Variants in GRXCR1 observed in about 807,000 individuals in gnomAD.
GRXCR1 encodes glutaredoxin domain-containing cysteine-rich protein 1.
Under a neutral mutation model 27.3 loss-of-function variants are expected in GRXCR1, and 27 were observed. The observed-to-expected ratio is 0.99, with a 90% confidence interval of 0.73 to 1.37. The LOEUF (loss-of-function observed/expected upper bound fraction) is 1.37, where lower values mean the gene tolerates loss of function less well. Among genes scored for constraint, GRXCR1 ranks in the 40% most tolerant of loss-of-function variants. GRXCR1 has a pLI of 0.00. For synonymous variants in GRXCR1, 122 were observed against 131.1 expected (o/e 0.93, Z 0.47); for missense variants, 379 against 354.4 (o/e 1.07, Z -0.56).
At chr4:43,015,234 T>A (rs1412871907) in intron 2 of GRXCR1, among the ~76,000 whole-genome samples, 1 of 152,124 alleles carries the variant, frequency 6.6e-6, no homozygotes, top group African/African-American at 2.4e-5. Context: ...AAGACACTTG[T>A]AGGCCATGCT....
chr4:42,980,442 A>G (rs1748632161), intron 2 of GRXCR1, among the ~76,000 whole-genome samples: 2 of 151,256 alleles, frequency 1.3e-5, no homozygotes, highest in Non-Finnish European at 3.0e-5. Context: ...TGTTTTTGTA[A>G]ATTTTTTGAA....
Position 42,919,878 on chromosome 4 carries a change from C to T in GRXCR1, c.384+26228C>T, listed in dbSNP as rs150174871. ...ATTGATTTGGAAATCTGTCAGTTGA[C>T]TTCATCTCTCAGAGGTCTGATGCAT... On this transcript the variant is annotated intron_variant, in intron 1 of 3. Coordinates refer to ENST00000399770, the MANE Select transcript of GRXCR1 (RefSeq NM_001080476.3). 4.4e-3 allele frequency among the ~76,000 whole-genome samples: 676 copies of T among 152,162 alleles called. 7 individuals carry two copies. The highest frequency in any genetic ancestry group is 5.6e-3 in the Non-Finnish European group (378 of 68,004).
chr4:42,953,791 A>G (rs1336772477), intron 1 of GRXCR1, among the ~76,000 whole-genome samples: 4 of 152,106 alleles, frequency 2.6e-5, no homozygotes, highest in African/African-American at 9.7e-5. Flanking sequence ...ATATGTGTCA[A>G]TAACATTTTA....
At chr4:42,936,727 C>T (rs768873608) in intron 1 of GRXCR1, among the ~76,000 whole-genome samples, 46 of 151,698 alleles carry the variant, frequency 3.0e-4, no homozygotes, top group Non-Finnish European at 5.9e-4. Flanking sequence ...TCTTGATAGT[C>T]GTGGAGAGTG....
chr4:42,902,029 A>G (rs2109738716), intron 1 of GRXCR1, among the ~76,000 whole-genome samples: 1 of 152,300 alleles, frequency 6.6e-6, no homozygotes, highest in Non-Finnish European at 1.5e-5. Context: ...TACATTCAAT[A>G]TAATTTAATT....
In GRXCR1 at chr4:42,949,255, C is replaced by A. The variant is rs997222924; in HGVS notation, c.385-13637C>A. 2.0e-5 allele frequency among the ~76,000 whole-genome samples: 3 copies of A among 149,104 alleles called. No individual in the cohort carries two copies. In the Admixed American group the frequency reaches 2.0e-4, roughly 10 times the overall value. ...TGGCCCGTGCCTATAATCCCAGCTA[C>A]CTGGGAGGCTGAGTCAGGAGAATCG... On this transcript the variant is annotated intron_variant, in intron 1 of 3. Coordinates refer to ENST00000399770, the MANE Select transcript of GRXCR1 (RefSeq NM_001080476.3).
At chr4:42,925,466 A>T (rs1357515564) in intron 1 of GRXCR1, among the ~76,000 whole-genome samples, 1 of 152,048 alleles carries the variant, frequency 6.6e-6, no homozygotes, top group Non-Finnish European at 1.5e-5. Flanking sequence ...TTAAGAATAA[A>T]TTGCAGCAGC....
intron 1 of GRXCR1, 59 bp from the exon 2 acceptor site, chr4:42,962,833 A>G: frequency 6.2e-7 from 1 of 1,603,226 alleles, no homozygotes; most frequent in East Asian, 2.2e-5. Flanking sequence ...TTGTCTTAAA[A>G]TCATAAGACA....
chr4:42,973,540 A>G (rs953166324), intron 2 of GRXCR1, among the ~76,000 whole-genome samples: 11 of 150,664 alleles, frequency 7.3e-5, no homozygotes, highest in Admixed American at 5.9e-4. Flanking sequence ...TTATTCCAAT[A>G]CTCTGCTTTT....
chr4:42,933,296 G>C (rs1189896595), intron 1 of GRXCR1, among the ~76,000 whole-genome samples: 1 of 151,876 alleles, frequency 6.6e-6, no homozygotes, highest in East Asian at 2.0e-4. Context: ...GGACTCATGA[G>C]TCAGAGCCAT....
intron 1 of GRXCR1, among the ~76,000 whole-genome samples, chr4:42,926,779 A>G (rs970288858): frequency 6.6e-6 from 1 of 152,010 alleles, no homozygotes; most frequent in African/African-American, 2.4e-5. Flanking sequence ...ATTGTGGTTG[A>G]AGATGTTTTT....
chr4:43,020,112 C>T (rs755793304), intron 2 of GRXCR1, among the ~76,000 whole-genome samples: 1 of 152,020 alleles, frequency 6.6e-6, no homozygotes, highest in Non-Finnish European at 1.5e-5. Context: ...TTGTGGGTTT[C>T]CTGGAGCTTG....
chr4:43,027,697 G>T (rs1413554693), intron 3 of GRXCR1, among the ~76,000 whole-genome samples: 1 of 152,204 alleles, frequency 6.6e-6, no homozygotes, highest in African/African-American at 2.4e-5. Context: ...GGCTATTCAA[G>T]AATATGGTCA....
chr4:42,919,248 G>A (rs548953064), intron 1 of GRXCR1, among the ~76,000 whole-genome samples: 20 of 152,188 alleles, frequency 1.3e-4, no homozygotes, highest in African/African-American at 4.6e-4. Flanking sequence ...GTTCAGCACT[G>A]TCTCTACTCG....
chr4:42,993,213 C>A (rs1712030347), intron 2 of GRXCR1, among the ~76,000 whole-genome samples: 1 of 152,032 alleles, frequency 6.6e-6, no homozygotes, highest in Admixed American at 6.6e-5. Flanking sequence ...GTATTCCTGG[C>A]CAGATGGGAG....
At chr4:43,008,250 T>C (rs1291162108) in intron 2 of GRXCR1, among the ~76,000 whole-genome samples, 1 of 152,188 alleles carries the variant, frequency 6.6e-6, no homozygotes, top group Non-Finnish European at 1.5e-5. Context: ...ATTGCATGGA[T>C]AGGTTTTCTA....
At chr4:42,961,032 G>T (rs1275490308) in intron 1 of GRXCR1, among the ~76,000 whole-genome samples, 2 of 151,738 alleles carry the variant, frequency 1.3e-5, no homozygotes, top group African/African-American at 4.8e-5. Flanking sequence ...CCCAGTGTGT[G>T]TTGTTCTCTT....
intron 1 of GRXCR1, among the ~76,000 whole-genome samples, chr4:42,955,158 C>T (rs973731712): frequency 6.6e-6 from 1 of 152,044 alleles, no homozygotes; most frequent in East Asian, 1.9e-4. Context: ...GGGTCTAGTC[C>T]CAGTTTGCCT....
At chr4:42,895,240 A>G (rs1295209345) in intron 1 of GRXCR1, among the ~76,000 whole-genome samples, 3 of 152,156 alleles carry the variant, frequency 2.0e-5, no homozygotes, top group Non-Finnish European at 4.4e-5. Flanking sequence ...TTTTCTATGC[A>G]TAGTTCCATA....
Sources: allele counts gnomAD v4.1 joint callset (sites outside exome capture counted in the v4.1 genomes callset), GRCh38; gene constraint gnomAD v4.1.1; transcripts MANE v1.5; gene names NCBI Gene and HGNC (gene_info 2026-07-23, HGNC 2026-07-21).